Variants in PDE4B observed in about 807,000 individuals in gnomAD.
The protein encoded by PDE4B is phosphodiesterase 4B, also known as 3',5'-cyclic-AMP phosphodiesterase 4B.
Under a neutral mutation model 82.2 loss-of-function variants are expected in PDE4B, and 20 were observed. The observed-to-expected ratio is 0.24, with a 90% CI of 0.17 to 0.35. PDE4B has a LOEUF of 0.35. Ranked by LOEUF, PDE4B falls within the 10% of genes least tolerant of loss-of-function variation. The pLI, the probability that PDE4B is intolerant of heterozygous loss-of-function variation, is 1.00. For missense variants in PDE4B, 655 were observed against 907.2 expected (o/e 0.72, Z 3.57); for synonymous variants, 320 against 318.9 (o/e 1.00, Z -0.04).
chr1:65,800,478 C>T (rs1310670541), intron 1 of PDE4B, among the ~76,000 whole-genome samples: 2 of 152,148 alleles, frequency 1.3e-5, no homozygotes. Flanking sequence ...TAAGTGAGGA[C>T]TGGGAATTGG....
At chr1:65,875,136 C>T (rs889421961) in intron 1 of PDE4B, among the ~76,000 whole-genome samples, 10 of 152,126 alleles carry the variant, frequency 6.6e-5, no homozygotes, top group East Asian at 3.9e-4. Flanking sequence ...AAAAAGTGGG[C>T]GAAGGACATG....
intron 3 of PDE4B, among the ~76,000 whole-genome samples, chr1:66,240,899 C>T (rs77293970): frequency 0.023 from 3,516 of 152,268 alleles, 135 homozygotes; most frequent in African/African-American, 0.079. Context: ...ATACAGGGAG[C>T]CCCTGTTTCA....
At chr1:66,146,419 T>C (rs1373246617) in intron 3 of PDE4B, among the ~76,000 whole-genome samples, 2 of 151,858 alleles carry the variant, frequency 1.3e-5, no homozygotes, top group Non-Finnish European at 2.9e-5. Flanking sequence ...CTCCTGACCT[T>C]GTGATCTGCC....
intron 7 of PDE4B, among the ~76,000 whole-genome samples, chr1:66,296,369 T>C (rs1436271879): frequency 6.6e-6 from 1 of 152,182 alleles, no homozygotes; most frequent in African/African-American, 2.4e-5. Context: ...CAAGAAAGCA[T>C]ACTTTTATGG....
intron 3 of PDE4B, among the ~76,000 whole-genome samples, chr1:66,085,550 C>T (rs571635273): frequency 6.3e-4 from 96 of 152,062 alleles, no homozygotes; most frequent in Admixed American, 2.0e-3. Context: ...GCACACCCTG[C>T]GTTTACCTTC....
At chr1:66,309,239 G>C (rs891993856) in intron 7 of PDE4B, among the ~76,000 whole-genome samples, 5 of 152,148 alleles carry the variant, frequency 3.3e-5, no homozygotes, top group Non-Finnish European at 7.3e-5. Context: ...TAAATAACTA[G>C]ATACACTTTA....
At chr1:66,144,590 A>G (rs1646234594) in intron 3 of PDE4B, among the ~76,000 whole-genome samples, 2 of 152,234 alleles carry the variant, frequency 1.3e-5, no homozygotes, top group Non-Finnish European at 2.9e-5. Flanking sequence ...CTCAAAGGGA[A>G]TGCTCACTGG....
intron 7 of PDE4B, among the ~76,000 whole-genome samples, chr1:66,285,206 G>A (rs899138431): frequency 3.3e-5 from 5 of 152,064 alleles, no homozygotes; most frequent in Middle Eastern, 6.3e-3. Flanking sequence ...AAAGGTAAAC[G>A]TAAATTTACC....
chr1:66,088,724 G>A lies in PDE4B; in HGVS notation c.282-158736G>A, dbSNP rs115570320. ...GCTTCAGAGCCTAGTAGTCATTGGG[G>A]CTTTTTTTCTCTTCTCCCGGACACA... On this transcript the variant is annotated intron_variant, in intron 3 of 16. Transcript: ENST00000341517. Among the ~76,000 whole-genome samples, 493 of 152,076 alleles carry A rather than the reference G, an allele frequency of 3.2e-3. 3 individuals are homozygous for A. Among genetic ancestry groups the A allele is most frequent in the African/African-American group, 0.011 (466 of 41,506 alleles).
At chr1:65,931,198 T>C (rs1647813071) in intron 3 of PDE4B, among the ~76,000 whole-genome samples, 1 of 152,232 alleles carries the variant, frequency 6.6e-6, no homozygotes, top group Non-Finnish European at 1.5e-5. Flanking sequence ...CCACCATGAT[T>C]GTAAGTTTCC....
chr1:66,243,263 G>A (rs1653027659), intron 3 of PDE4B, among the ~76,000 whole-genome samples: 1 of 152,216 alleles, frequency 6.6e-6, no homozygotes, highest in East Asian at 1.9e-4. Flanking sequence ...TCTGAGGTGG[G>A]TATAGGGAAG....
intron 7 of PDE4B, among the ~76,000 whole-genome samples, chr1:66,305,272 G>A (rs1029746672): frequency 3.3e-5 from 5 of 152,116 alleles, no homozygotes; most frequent in Admixed American, 6.6e-5. Flanking sequence ...TGCAGGCAGA[G>A]GGAATAGCAC....
Position 66,372,737 on chromosome 1 carries a change from T to G in PDE4B, c.*59T>G. ...CTTGATGAGCATGCCAGCTATGTGGTAGGGCCAGCCCACCATGGGGGCCAA... is the reference window on the plus strand; with the variant it reads ...CTTGATGAGCATGCCAGCTATGTGGGAGGGCCAGCCCACCATGGGGGCCAA... On this transcript the variant is annotated 3_prime_UTR_variant, in exon 17 of 17. Transcript: ENST00000341517. The G allele has an allele frequency of 6.4e-7, 1 of 1,550,882 alleles. No individual in the cohort carries two copies. The highest frequency in any genetic ancestry group is 1.2e-5 in the South Asian group (1 of 81,278).
At chr1:66,330,722 G>C (rs962096793) in intron 7 of PDE4B, 14 of 960,364 alleles carry the variant, frequency 1.5e-5, no homozygotes, top group Non-Finnish European at 1.6e-5. Context: ...TGGAAGAAGT[G>C]CTCTTCTGGA....
intron 7 of PDE4B, among the ~76,000 whole-genome samples, chr1:66,324,815 A>C (rs1659635151): frequency 6.6e-6 from 1 of 152,214 alleles, no homozygotes; most frequent in Non-Finnish European, 1.5e-5. Flanking sequence ...CAGTGTGTAC[A>C]TGTTCTCCTG....
intron 3 of PDE4B, among the ~76,000 whole-genome samples, chr1:66,039,156 A>G (rs1278064616): frequency 6.6e-6 from 1 of 152,138 alleles, no homozygotes; most frequent in East Asian, 1.9e-4. Flanking sequence ...TACACAAGGC[A>G]GAATTTGGAA....
intron 3 of PDE4B, among the ~76,000 whole-genome samples, chr1:66,097,650 C>A (rs1361333196): frequency 2.0e-5 from 3 of 151,286 alleles, no homozygotes; most frequent in Non-Finnish European, 4.4e-5. Context: ...ATACTTTTTT[C>A]TTCCATTATT....
chr1:66,283,829 G>C (rs150118425), intron 7 of PDE4B, among the ~76,000 whole-genome samples: 2 of 152,226 alleles, frequency 1.3e-5, no homozygotes, highest in East Asian at 3.9e-4. Flanking sequence ...AGACAAGAGA[G>C]TACTGCTTAC....
At chr1:66,271,493 C>T (rs753047092) in intron 7 of PDE4B, among the ~76,000 whole-genome samples, 1 of 152,164 alleles carries the variant, frequency 6.6e-6, no homozygotes, top group Non-Finnish European at 1.5e-5. Context: ...AGAGGCAAAT[C>T]GCTGCCAGGG....
Sources: allele counts gnomAD v4.1 joint callset (sites outside exome capture counted in the v4.1 genomes callset), GRCh38; gene constraint gnomAD v4.1.1; transcripts MANE v1.5; gene names NCBI Gene and HGNC (gene_info 2026-07-23, HGNC 2026-07-21).